PLCB4: variants seen among roughly 807,000 people sequenced by gnomAD.
PLCB4 encodes the protein 1-phosphatidylinositol 4,5-bisphosphate phosphodiesterase beta-4.
A neutral mutation model predicts 178.8 loss-of-function variants in PLCB4; 77 were observed. The ratio of observed to expected loss-of-function variants is 0.43; its 90% CI spans 0.36 to 0.52. The LOEUF (loss-of-function observed/expected upper bound fraction) is 0.52. Among genes scored for constraint, PLCB4 ranks in the 20% least tolerant of loss-of-function variants. The pLI, the probability that PLCB4 is intolerant of heterozygous loss-of-function variation, is 0.00. For missense variants in PLCB4, 1,024 were observed against 1,453.4 expected (o/e 0.70, Z 4.80); for synonymous variants, 496 against 490.8 (o/e 1.01, Z -0.14).
chr20:9,159,974 T>C (rs1332815423), intron 2 of PLCB4, among the ~76,000 whole-genome samples: 1 of 152,062 alleles, frequency 6.6e-6, no homozygotes, highest in Non-Finnish European at 1.5e-5. Context: ...TAGTTGCCCA[T>C]AGTTAGGGAG....
chr20:9,181,615 G>A (rs973965476), intron 2 of PLCB4, among the ~76,000 whole-genome samples: 8 of 152,052 alleles, frequency 5.3e-5, no homozygotes, highest in African/African-American at 1.4e-4. Context: ...CACTCAGGTC[G>A]GGGGGATGGT....
chr20:9,371,221 A>G lies in PLCB4; in HGVS notation c.511A>G (p.Arg171Gly). Residue 171 changes from arginine (R) to glycine (G), a missense_variant, in exon 10 of 40, where the codon AGA becomes GGA. Physicochemically the swap from Arg to Gly is moderately radical, Grantham distance 125. Coordinates refer to ENST00000378473, the MANE Select transcript of PLCB4 (RefSeq NM_001377142.1). ...CTTTCTTTTCTGCCCTAGTATTACT[A>G]GAACATTTGCATCGGGAAAAACAGA... ...NGKIPVRSIT[R>G]TFASGKTEKV... The G allele has an allele frequency of 6.2e-7, 1 of 1,600,194 alleles. No individual in the cohort carries two copies. Among genetic ancestry groups the G allele is most frequent in the Non-Finnish European group, 8.6e-7 (1 of 1,167,260 alleles).
At chr20:9,226,172 A>C (rs1217703280) in intron 3 of PLCB4, among the ~76,000 whole-genome samples, 2 of 152,182 alleles carry the variant, frequency 1.3e-5, no homozygotes, top group Non-Finnish European at 2.9e-5. Flanking sequence ...GTATGGCTGG[A>C]GGACTGGTGG....
intron 2 of PLCB4, among the ~76,000 whole-genome samples, chr20:9,210,034 G>A (rs1011451132): frequency 4.7e-5 from 7 of 150,470 alleles, no homozygotes; most frequent in African/African-American, 1.7e-4. Flanking sequence ...CTGACCTACA[G>A]AGCTATGAGC....
rs191620210 is a variant in PLCB4 at position 9,201,244 on chromosome 20, A to G, written c.-78-16146A>G. Among the ~76,000 whole-genome samples the G allele has an allele frequency of 2.1e-3, 324 of 152,336 alleles. No homozygotes were observed. The Middle Eastern group carries it at 0.024, about 11-fold the overall frequency. ...TGCTCCTCCCTTTGCAATTAAATTT[A>G]AACTATCAATATGCTTGACAAACTG... On this transcript the variant is annotated intron_variant, in intron 2 of 39. Coordinates refer to ENST00000378473, the MANE Select transcript of PLCB4 (RefSeq NM_001377142.1).
chr20:9,298,220 C>T (rs537382128), intron 3 of PLCB4, among the ~76,000 whole-genome samples: 2 of 152,188 alleles, frequency 1.3e-5, no homozygotes, highest in African/African-American at 4.8e-5. Flanking sequence ...ATCGTACCCA[C>T]TTTTGTCTAA....
intron 25 of PLCB4, among the ~76,000 whole-genome samples, chr20:9,416,513 T>C (rs2040258488): frequency 6.6e-6 from 1 of 152,212 alleles, no homozygotes. Flanking sequence ...TCACAGTCTG[T>C]GTCGGTTTTC....
At chr20:9,465,611 A>G (rs989108434) in intron 35 of PLCB4, among the ~76,000 whole-genome samples, 3 of 152,234 alleles carry the variant, frequency 2.0e-5, no homozygotes, top group Non-Finnish European at 4.4e-5. Context: ...TCAATGTGCA[A>G]AAATCACAAG....
At chr20:9,069,991 T>A (rs2089484277) in intron 1 of PLCB4, among the ~76,000 whole-genome samples, 1 of 152,208 alleles carries the variant, frequency 6.6e-6, no homozygotes, top group African/African-American at 2.4e-5. Flanking sequence ...AAACATGTAT[T>A]TGAAATTTAA....
chr20:9,341,193 G>C (rs1435276340), intron 7 of PLCB4, among the ~76,000 whole-genome samples: 6 of 151,986 alleles, frequency 3.9e-5, no homozygotes, highest in Non-Finnish European at 8.8e-5. Flanking sequence ...TGTTAGTCTT[G>C]GCCCATTCTA....
chr20:9,392,671 T>G (rs1207806515), intron 17 of PLCB4, among the ~76,000 whole-genome samples: 2 of 152,076 alleles, frequency 1.3e-5, no homozygotes, highest in Non-Finnish European at 1.5e-5. Context: ...AGGACACAAA[T>G]GTGAACACAT....
At chr20:9,251,804 A>G (rs967081507) in intron 3 of PLCB4, among the ~76,000 whole-genome samples, 2 of 152,230 alleles carry the variant, frequency 1.3e-5, no homozygotes, top group East Asian at 3.8e-4. Flanking sequence ...AGCCACATAC[A>G]TAATTTAACA....
chr20:9,238,978 T>A (rs1286086065), intron 3 of PLCB4, among the ~76,000 whole-genome samples: 1 of 152,232 alleles, frequency 6.6e-6, no homozygotes, highest in African/African-American at 2.4e-5. Context: ...CTAAGTTAAA[T>A]CTTCAGTCTT....
intron 1 of PLCB4, among the ~76,000 whole-genome samples, chr20:9,093,351 C>T (rs2090766700): frequency 6.6e-6 from 1 of 152,154 alleles, no homozygotes; most frequent in South Asian, 2.1e-4. Context: ...GACCCTCAGT[C>T]CTTTTACTGA....
At chr20:9,384,494 G>A (rs907064368) in intron 14 of PLCB4, 83 bp downstream of exon 14, 2 of 968,172 alleles carry the variant, frequency 2.1e-6, no homozygotes, top group Admixed American at 1.8e-5. Flanking sequence ...ACAGGAAATA[G>A]TAATCAGGAT....
chr20:9,425,730 G>A (rs1602605308), intron 28 of PLCB4, among the ~76,000 whole-genome samples: 2 of 152,178 alleles, frequency 1.3e-5, no homozygotes, highest in Admixed American at 6.5e-5. Context: ...ATGAGATTCT[G>A]CAGTCGATGC....
chr20:9,175,783 T>C (rs2093144765), intron 2 of PLCB4, among the ~76,000 whole-genome samples: 1 of 152,176 alleles, frequency 6.6e-6, no homozygotes, highest in Non-Finnish European at 1.5e-5. Flanking sequence ...CCCATATTCA[T>C]AGCAAATCAG....
intron 2 of PLCB4, among the ~76,000 whole-genome samples, chr20:9,152,051 A>G (rs1374618263): frequency 1.3e-5 from 2 of 152,106 alleles, no homozygotes; most frequent in Admixed American, 6.5e-5. Context: ...CTTGAGAGAG[A>G]TAATATACGG....
At chr20:9,240,270 A>G (rs1432939830) in intron 3 of PLCB4, among the ~76,000 whole-genome samples, 1 of 152,102 alleles carries the variant, frequency 6.6e-6, no homozygotes, top group Non-Finnish European at 1.5e-5. Flanking sequence ...CAGGGGAGGT[A>G]GGCCGAAGAA....
Sources: gnomAD v4.1 joint callset for allele counts (sites outside exome capture counted in the v4.1 genomes callset) on GRCh38, gnomAD v4.1.1 for gene constraint, MANE v1.5 for transcripts, NCBI Gene and HGNC (gene_info 2026-07-23, HGNC 2026-07-21) for gene names.